SGCZ: variants seen among roughly 807,000 people sequenced by gnomAD.
SGCZ encodes the protein zeta-sarcoglycan.
In SGCZ, 40 loss-of-function variants were observed where a neutral mutation model predicts 41.3. That is an observed-to-expected ratio of 0.97 (90% CI 0.75 to 1.26). The LOEUF (loss-of-function observed/expected upper bound fraction) is 1.26, where lower values mean the gene tolerates loss of function less well. SGCZ is among the 50% of genes most tolerant of loss of function. SGCZ has a pLI of 0.00. For missense variants in SGCZ, 552 were observed against 369.8 expected, an observed-to-expected ratio of 1.49 and a Z score of -4.04; for synonymous variants, 206 against 137.5, an observed-to-expected ratio of 1.50 and a Z score of -3.49.
At chr8:14,909,722 C>A (rs1339342615) in intron 1 of SGCZ, among the ~76,000 whole-genome samples, 1 of 152,160 alleles carries the variant, frequency 6.6e-6, no homozygotes, top group East Asian at 1.9e-4. Flanking sequence ...TGCATCAACA[C>A]CAATTTGGAG....
chr8:14,422,959 A>G (rs1404774806), intron 2 of SGCZ, among the ~76,000 whole-genome samples: 3 of 152,106 alleles, frequency 2.0e-5, no homozygotes, highest in Admixed American at 1.3e-4. Flanking sequence ...ACTGAGCAGG[A>G]CAAGGCTGCA....
intron 1 of SGCZ, among the ~76,000 whole-genome samples, chr8:14,876,953 C>A (rs1804383280): frequency 6.6e-6 from 1 of 151,960 alleles, no homozygotes; most frequent in South Asian, 2.1e-4. Context: ...TAACAGTGGA[C>A]CTACCACTCT....
intron 1 of SGCZ, among the ~76,000 whole-genome samples, chr8:15,097,084 G>T (rs558317908): frequency 6.6e-6 from 1 of 152,248 alleles, no homozygotes; most frequent in African/African-American, 2.4e-5. Flanking sequence ...CTGAATAGGT[G>T]TGACTATAGA....
chr8:15,059,726 G>A (rs1563475958), intron 1 of SGCZ, among the ~76,000 whole-genome samples: 1 of 152,148 alleles, frequency 6.6e-6, no homozygotes, highest in Non-Finnish European at 1.5e-5. Context: ...CAAAAGTATG[G>A]GATTAGGAAA....
chr8:14,653,226 C>T (rs1286956156), intron 1 of SGCZ, among the ~76,000 whole-genome samples: 13 of 151,948 alleles, frequency 8.6e-5, no homozygotes, highest in African/African-American at 2.7e-4. Context: ...AGCAATGTGA[C>T]GTGACATGAC....
At chr8:14,178,643 T>C (rs145808619) in intron 4 of SGCZ, among the ~76,000 whole-genome samples, 3 of 152,378 alleles carry the variant, frequency 2.0e-5, no homozygotes, top group Non-Finnish European at 4.4e-5. Flanking sequence ...AAGATGCCCA[T>C]GTGTTTAAAC....
Position 14,603,347 on chromosome 8 carries a change from G to C in SGCZ, c.40-48421C>G, listed in dbSNP as rs76296820. Among the ~76,000 whole-genome samples, 1,338 of 152,116 alleles carry C rather than the reference G, an allele frequency of 8.8e-3. 16 individuals carry two copies. Among genetic ancestry groups the C allele is most frequent in the African/African-American group, 0.028 (1,151 of 41,512 alleles). On this transcript the variant is annotated intron_variant, in intron 1 of 7. Transcript: ENST00000382080. ...ACAATATATCAGTTAAGTCATTTGA[G>C]CATGTCTCACAGCAAATGATTGTTG...
intron 2 of SGCZ, among the ~76,000 whole-genome samples, chr8:14,395,663 C>T (rs1798896390): frequency 6.6e-6 from 1 of 152,148 alleles, no homozygotes; most frequent in African/African-American, 2.4e-5. Flanking sequence ...GGAATCAATA[C>T]TCTAAAATAC....
intron 1 of SGCZ, among the ~76,000 whole-genome samples, chr8:15,183,732 A>C (rs898447449): frequency 8.5e-5 from 13 of 152,198 alleles, no homozygotes; most frequent in Admixed American, 3.3e-4. Context: ...AGCTTTCCCA[A>C]CTATTTATAA....
At chr8:14,477,355 G>A (rs1030694468) in intron 2 of SGCZ, among the ~76,000 whole-genome samples, 2 of 152,008 alleles carry the variant, frequency 1.3e-5, no homozygotes, top group African/African-American at 2.4e-5. Flanking sequence ...GATTTTATGA[G>A]CTCATTAATG....
intron 1 of SGCZ, among the ~76,000 whole-genome samples, chr8:14,951,258 G>A (rs1800628827): frequency 6.6e-6 from 1 of 151,948 alleles, no homozygotes; most frequent in South Asian, 2.1e-4. Flanking sequence ...ATAATTCATA[G>A]AAACTGGTTA....
intron 1 of SGCZ, among the ~76,000 whole-genome samples, chr8:15,170,641 T>G (rs557457437): frequency 6.6e-6 from 1 of 152,210 alleles, no homozygotes; most frequent in Non-Finnish European, 1.5e-5. Context: ...GTTTTGTTTT[T>G]TTAAACTTTC....
At chr8:15,172,165 T>A (rs201293401) in intron 1 of SGCZ, among the ~76,000 whole-genome samples, 15 of 58,816 alleles carry the variant, frequency 2.6e-4, no homozygotes, top group South Asian at 5.7e-4. Context: ...TTTTTTTTTT[T>A]TTTTTTTTTT....
chr8:15,071,864 G>A (rs112064775), intron 1 of SGCZ, among the ~76,000 whole-genome samples: 10,631 of 152,100 alleles, frequency 0.07, 544 homozygotes, highest in African/African-American at 0.14. Flanking sequence ...AGGTGAGTTC[G>A]CTGAAGACTC....
chr8:14,747,697 G>C (rs889591357), intron 1 of SGCZ, among the ~76,000 whole-genome samples: 1 of 66,172 alleles, frequency 1.5e-5, no homozygotes, highest in Non-Finnish European at 3.3e-5. Context: ...TATTATGTGT[G>C]TGTGTATTTG....
At chr8:14,676,985 A>G (rs1808299096) in intron 1 of SGCZ, among the ~76,000 whole-genome samples, 1 of 152,054 alleles carries the variant, frequency 6.6e-6, no homozygotes, top group Non-Finnish European at 1.5e-5. Flanking sequence ...AGAAAAAAAT[A>G]AACAAGGATA....
At chr8:14,912,257 A>C (rs1354100304) in intron 1 of SGCZ, among the ~76,000 whole-genome samples, 1 of 151,974 alleles carries the variant, frequency 6.6e-6, no homozygotes, top group Non-Finnish European at 1.5e-5. Flanking sequence ...GGCTTGACTT[A>C]ATGACTCAAA....
At position 14,378,566 on chromosome 8, in the gene SGCZ, C is replaced by T. The variant is rs556237081; in HGVS notation, c.235-54362G>A. Among the ~76,000 whole-genome samples the T allele has an allele frequency of 1.3e-4, 20 of 152,196 alleles. No homozygotes were observed. The East Asian group carries it at 3.7e-3, about 28-fold the overall frequency. On this transcript the variant is annotated intron_variant, in intron 2 of 7. Coordinates refer to ENST00000382080, the MANE Select transcript of SGCZ (RefSeq NM_139167.4). ...GCTAATATCCAGAATCTACAATGAACTCAAACAAATTTACAAGAAAAAAAC... is the reference window on the plus strand; with the variant it reads ...GCTAATATCCAGAATCTACAATGAATTCAAACAAATTTACAAGAAAAAAAC...
intron 1 of SGCZ, among the ~76,000 whole-genome samples, chr8:15,146,673 C>A (rs756438906): frequency 1.3e-5 from 2 of 152,164 alleles, no homozygotes; most frequent in Non-Finnish European, 2.9e-5. Context: ...CCTCTGTGAG[C>A]ATGGGGAAGG....
Sources: allele counts gnomAD v4.1 joint callset (sites outside exome capture counted in the v4.1 genomes callset), GRCh38; gene constraint gnomAD v4.1.1; transcripts MANE v1.5; gene names NCBI Gene and HGNC (gene_info 2026-07-23, HGNC 2026-07-21).